Variants in ABCG2 observed in about 807,000 individuals in gnomAD.
The protein encoded by ABCG2 is broad substrate specificity ATP-binding cassette transporter ABCG2.
In ABCG2, 80 loss-of-function variants were observed where a neutral mutation model predicts 73.5. That is an observed-to-expected ratio of 1.09 (90% confidence interval 0.91 to 1.31). ABCG2 has a LOEUF of 1.31. ABCG2 is among the 50% of genes most tolerant of loss of function. ABCG2 has a pLI of 0.00. For missense variants in ABCG2, 796 were observed against 786.2 expected, an observed-to-expected ratio of 1.01 and a Z score of -0.15; for synonymous variants, 269 against 282.4, an observed-to-expected ratio of 0.95 and a Z score of 0.48.
At chr4:88,213,700 T>C (rs1324033529) in intron 1 of ABCG2, among the ~76,000 whole-genome samples, 1 of 152,082 alleles carries the variant, frequency 6.6e-6, no homozygotes, top group Non-Finnish European at 1.5e-5. Flanking sequence ...TTGTTTGTTT[T>C]TGAGACAGAG....
chr4:88,102,972 T>C (rs1227461559), intron 10 of ABCG2, among the ~76,000 whole-genome samples: 1 of 152,200 alleles, frequency 6.6e-6, no homozygotes, highest in Non-Finnish European at 1.5e-5. Context: ...TATAGTGGCA[T>C]GATCATAAAC....
upstream of ABCG2, among the ~76,000 whole-genome samples, chr4:88,161,475 T>C: frequency 6.7e-5 from 1 of 14,816 alleles, no homozygotes; most frequent in Admixed American, 7.1e-4. Context: ...TCCAATTTCA[T>C]CCATGTCCCT....
At chr4:88,097,696 T>TTAG in intron 12 of ABCG2, 89 bp from the exon 13 acceptor site, 1 of 1,382,108 alleles carries the variant, frequency 7.2e-7, no homozygotes, top group Non-Finnish European at 9.8e-7. Context: ...AACACTAATA[T>TTAG]TTTGAGAAAC....
chr4:88,192,694 C>T (rs1728739975), intron 1 of ABCG2, among the ~76,000 whole-genome samples: 1 of 151,144 alleles, frequency 6.6e-6, no homozygotes, highest in Admixed American at 6.6e-5. Flanking sequence ...GCTGGGATTA[C>T]AGGCATGAGC....
intron 1 of ABCG2, among the ~76,000 whole-genome samples, chr4:88,170,482 G>A (rs1429671990): frequency 3.3e-5 from 5 of 152,200 alleles, no homozygotes; most frequent in African/African-American, 1.2e-4. Context: ...AAGACTGACT[G>A]GGATTGATTT....
upstream of ABCG2, among the ~76,000 whole-genome samples, chr4:88,160,126 A>T (rs1423847436): frequency 6.6e-6 from 1 of 151,924 alleles, no homozygotes; most frequent in Non-Finnish European, 1.5e-5. Context: ...CTGTAATCCC[A>T]GCTACTCGCG....
chr4:88,179,281 C>T (rs1185382016), intron 1 of ABCG2, among the ~76,000 whole-genome samples: 1 of 152,182 alleles, frequency 6.6e-6, no homozygotes, highest in African/African-American at 2.4e-5. Context: ...AATTCTTCCG[C>T]ATCTTATCCA....
At position 88,121,738 on chromosome 4, in the gene ABCG2, T is replaced by C. The variant is rs1248235107; in HGVS notation, c.586A>G (p.Ile196Val). ...GGATCAGTGATAAGCTCCATTCCTA[T>C]ACTAGTCCTTTTTCTTTCTCCTCCA... ...VSGGERKRTS[I>V]GMELITDPSI... The change falls in exon 6 of 16, where the codon ATA (isoleucine) becomes GTA (valine). Residue 196 changes from isoleucine to valine, a missense_variant. Ile to Val is a conservative substitution (Grantham distance 29, BLOSUM62 3). Transcript: ENST00000237612. The C allele has an allele frequency of 4.3e-6, 7 of 1,613,950 alleles. No individual in the cohort carries two copies. The highest frequency in any genetic ancestry group is 4.0e-5 in the African/African-American group (3 of 74,940).
At chr4:88,118,362 G>T in intron 6 of ABCG2, 102 bp from the exon 7 acceptor site, 4 of 1,259,432 alleles carry the variant, frequency 3.2e-6, no homozygotes, top group Non-Finnish European at 4.3e-6. Context: ...CTCTAGTTCA[G>T]CCTGACTTTG....
intron 1 of ABCG2, among the ~76,000 whole-genome samples, chr4:88,210,317 G>A (rs974551641): frequency 6.6e-6 from 1 of 151,976 alleles, no homozygotes; most frequent in Non-Finnish European, 1.5e-5. Context: ...AGCCTCCAGT[G>A]GCTGGGACTG....
At chr4:88,213,756 C>A (rs557798363) in intron 1 of ABCG2, among the ~76,000 whole-genome samples, 1 of 150,240 alleles carries the variant, frequency 6.7e-6, no homozygotes, top group South Asian at 2.1e-4. Flanking sequence ...GATCTTGGCT[C>A]ACTTCAACCT....
chr4:88,219,287 C>T (rs1729922292), intron 1 of ABCG2, among the ~76,000 whole-genome samples: 1 of 152,114 alleles, frequency 6.6e-6, no homozygotes, highest in African/African-American at 2.4e-5. Flanking sequence ...GTGACAAAAA[C>T]GAAGTGTTAG....
At position 88,222,204 on chromosome 4, in the gene ABCG2, AGAATTGAGTCTGG is replaced by A. The variant is rs1366841549; in HGVS notation, c.-20+8777_-20+8789del. The stretch of plus-strand genomic sequence containing the variant: ...TGGGCCTGCAGGTGTGCAGAAGTCA[AGAATTGAGTCTGG>A]GAACCTCCGCCTACATTTTGGAGGA... On this transcript the variant is annotated intron_variant, in intron 1 of 15. Coordinates refer to the ABCG2 transcript ENST00000515655. Among the ~76,000 whole-genome samples the A allele has an allele frequency of 6.0e-4, 92 of 152,374 alleles. 1 individual carries two copies. Among genetic ancestry groups the A allele is most frequent in the Admixed American group, 4.4e-3 (67 of 15,300 alleles).
At chr4:88,183,627 T>C (rs1434236279) in intron 1 of ABCG2, among the ~76,000 whole-genome samples, 1 of 152,154 alleles carries the variant, frequency 6.6e-6, no homozygotes, top group African/African-American at 2.4e-5. Context: ...TGCTGAATTC[T>C]AGCAAACATT....
intron 1 of ABCG2, among the ~76,000 whole-genome samples, chr4:88,201,324 A>T (rs1301075629): frequency 1.3e-5 from 2 of 152,062 alleles, no homozygotes. Context: ...AGTGGACATC[A>T]CTTAAAGACC....
At chr4:88,119,328 A>T (rs1723803686) in intron 6 of ABCG2, among the ~76,000 whole-genome samples, 1 of 152,254 alleles carries the variant, frequency 6.6e-6, no homozygotes, top group Non-Finnish European at 1.5e-5. Flanking sequence ...TAGCAGTGTG[A>T]GAACAAACTA....
intron 1 of ABCG2, among the ~76,000 whole-genome samples, chr4:88,188,215 C>T (rs757718919): frequency 6.6e-6 from 1 of 152,150 alleles, no homozygotes; most frequent in Non-Finnish European, 1.5e-5. Flanking sequence ...TTTTCCCAGC[C>T]TCATATGTTG....
At chr4:88,227,650 T>C (rs1365208497) in intron 1 of ABCG2, among the ~76,000 whole-genome samples, 4 of 152,276 alleles carry the variant, frequency 2.6e-5, no homozygotes, top group African/African-American at 9.6e-5. Context: ...GCAAGCTCCC[T>C]AGGTGACATC....
intron 1 of ABCG2, chr4:88,223,906 T>C (rs546237863): frequency 5.3e-5 from 8 of 151,816 alleles, no homozygotes; most frequent in African/African-American, 1.2e-4. Flanking sequence ...GCCATCCTTA[T>C]TGGGGTAAAG....
Sources: allele counts gnomAD v4.1 joint callset (sites outside exome capture counted in the v4.1 genomes callset), GRCh38; gene constraint gnomAD v4.1.1; transcripts MANE v1.5; gene names NCBI Gene and HGNC (gene_info 2026-07-23, HGNC 2026-07-21).